KCNB2: variants seen among roughly 807,000 people sequenced by gnomAD.
KCNB2 encodes the protein potassium voltage-gated channel subfamily B member 2, also known as delayed rectifier potassium channel protein.
A neutral mutation model predicts 61.5 loss-of-function variants in KCNB2; 15 were observed. The ratio of observed to expected loss-of-function variants is 0.24; its 90% CI spans 0.16 to 0.38. The LOEUF (loss-of-function observed/expected upper bound fraction) is 0.38. Among genes scored for constraint, KCNB2 ranks in the 10% least tolerant of loss-of-function variants. The probability of loss-of-function intolerance (pLI) is 1.00; values close to 1 mark genes in which losing one functional copy is unlikely to be tolerated. For missense variants in KCNB2, 828 were observed against 1,125.2 expected, an observed-to-expected ratio of 0.74 and a Z score of 3.78; for synonymous variants, 457 against 446.0, an observed-to-expected ratio of 1.02 and a Z score of -0.31.
intron 2 of KCNB2, among the ~76,000 whole-genome samples, chr8:72,932,083 G>A (rs139314850): frequency 1.4e-4 from 21 of 152,262 alleles, no homozygotes; most frequent in Non-Finnish European, 2.9e-4. Context: ...GGTAAGTAAA[G>A]CAATACCTAA....
intron 2 of KCNB2, among the ~76,000 whole-genome samples, chr8:72,666,936 G>A (rs1235981661): frequency 6.6e-6 from 1 of 151,738 alleles, no homozygotes; most frequent in Non-Finnish European, 1.5e-5. Flanking sequence ...GAATAAAAAA[G>A]AACACAGGTT....
chr8:72,820,664 T>A (rs981305688), intron 2 of KCNB2, among the ~76,000 whole-genome samples: 1 of 152,224 alleles, frequency 6.6e-6, no homozygotes, highest in African/African-American at 2.4e-5. Context: ...CTTATGATTA[T>A]TTCTACCTCA....
chr8:72,915,795 T>C (rs915701609), intron 2 of KCNB2, among the ~76,000 whole-genome samples: 1 of 152,082 alleles, frequency 6.6e-6, no homozygotes, highest in Non-Finnish European at 1.5e-5. Flanking sequence ...GGTGGGTGCC[T>C]GTAGTCCCAG....
intron 2 of KCNB2, among the ~76,000 whole-genome samples, chr8:72,669,004 T>G (rs924529678): frequency 6.6e-6 from 1 of 152,170 alleles, no homozygotes; most frequent in African/African-American, 2.4e-5. Flanking sequence ...TAAATCTTTC[T>G]AATTTGGCAT....
intron 2 of KCNB2, among the ~76,000 whole-genome samples, chr8:72,662,318 T>C (rs1806394860): frequency 6.6e-6 from 1 of 152,144 alleles, no homozygotes; most frequent in Non-Finnish European, 1.5e-5. Flanking sequence ...TAGAGGGCAC[T>C]GGGGAGCATG....
At chr8:72,626,265 C>A (rs1413808447) in intron 2 of KCNB2, among the ~76,000 whole-genome samples, 4 of 152,316 alleles carry the variant, frequency 2.6e-5, no homozygotes, top group African/African-American at 9.6e-5. Flanking sequence ...ACAGTCCACC[C>A]TAGGCCCAGT....
chr8:72,921,238 G>C (rs1806514980), intron 2 of KCNB2, among the ~76,000 whole-genome samples: 1 of 151,914 alleles, frequency 6.6e-6, no homozygotes, highest in South Asian at 2.1e-4. Context: ...ACAAAACACT[G>C]TTTACCCTTT....
intron 2 of KCNB2, among the ~76,000 whole-genome samples, chr8:72,714,120 A>G (rs546476961): frequency 6.6e-6 from 1 of 152,222 alleles, no homozygotes; most frequent in South Asian, 2.1e-4. Flanking sequence ...AAAAAGAATG[A>G]AAAGGAACAA....
chr8:72,730,150 A>T (rs1370428001), intron 2 of KCNB2, among the ~76,000 whole-genome samples: 1 of 152,146 alleles, frequency 6.6e-6, no homozygotes, highest in Non-Finnish European at 1.5e-5. Context: ...CTTATGCTAT[A>T]CATTAGTAGC....
intron 2 of KCNB2, among the ~76,000 whole-genome samples, chr8:72,894,446 CA>C (rs1805954170): frequency 6.6e-6 from 1 of 152,140 alleles, no homozygotes; most frequent in African/African-American, 2.4e-5. Flanking sequence ...GGATGCGATT[CA>C]ATTTATATAT....
intron 2 of KCNB2, among the ~76,000 whole-genome samples, chr8:72,824,330 G>A (rs983374922): frequency 6.6e-6 from 1 of 151,982 alleles, no homozygotes; most frequent in Non-Finnish European, 1.5e-5. Context: ...AGCCCAGCAG[G>A]GGTTTGGAAG....
chr8:72,766,002 T>C (rs2128996805), intron 2 of KCNB2, among the ~76,000 whole-genome samples: 1 of 152,364 alleles, frequency 6.6e-6, no homozygotes, highest in African/African-American at 2.4e-5. Flanking sequence ...TTCTTAATGC[T>C]GCTTCTCAAA....
At chr8:72,694,717 CAATT>C in intron 2 of KCNB2, among the ~76,000 whole-genome samples, 1 of 152,024 alleles carries the variant, frequency 6.6e-6, no homozygotes, top group African/African-American at 2.4e-5. Context: ...GATCAAGCAA[CAATT>C]AATGGTAGTG....
intron 2 of KCNB2, among the ~76,000 whole-genome samples, chr8:72,654,287 A>G (rs1238885204): frequency 6.6e-6 from 1 of 152,212 alleles, no homozygotes; most frequent in African/African-American, 2.4e-5. Flanking sequence ...AACATTTTCT[A>G]TGAATAAGTG....
chr8:72,748,196 T>C (rs1808112994), intron 2 of KCNB2, among the ~76,000 whole-genome samples: 1 of 152,224 alleles, frequency 6.6e-6, no homozygotes, highest in African/African-American at 2.4e-5. Context: ...TGTTATAACT[T>C]CTTTGAACAT....
rs143419464 is a variant in KCNB2 at position 72,794,937 on chromosome 8, G to GA, written c.580-140989dup. ...GGGTCTAATAGAGAAGTAACCACTG[G>GA]AAAAAAAAAGTTGTGTCTCCATTTT... On this transcript the variant is annotated intron_variant, in intron 2 of 2. Coordinates refer to ENST00000523207, the MANE Select transcript of KCNB2 (RefSeq NM_004770.3). Among the ~76,000 whole-genome samples the GA allele has an allele frequency of 6.3e-3, 960 of 151,670 alleles. 5 individuals carry two copies. Among genetic ancestry groups the GA allele is most frequent in the African/African-American group, 0.022 (906 of 41,388 alleles).
chr8:72,788,798 CTAAT>C (rs1808887185), intron 2 of KCNB2, among the ~76,000 whole-genome samples: 1 of 152,066 alleles, frequency 6.6e-6, no homozygotes, highest in South Asian at 2.1e-4. Context: ...CACATTAAAT[CTAAT>C]TATAGATGAG....
intron 2 of KCNB2, among the ~76,000 whole-genome samples, chr8:72,626,916 G>A (rs1268812904): frequency 1.3e-5 from 2 of 152,142 alleles, no homozygotes; most frequent in Admixed American, 6.5e-5. Context: ...GCAAGATATC[G>A]ACATGCATCT....
At chr8:72,841,361 CTTTTTT>C (rs796222096) in intron 2 of KCNB2, among the ~76,000 whole-genome samples, 1,063 of 66,184 alleles carry the variant, frequency 0.016, 22 homozygotes, top group Middle Eastern at 0.042. Context: ...GTTTTCTTTT[CTTTTTT>C]TTTTCTTTTT....
Sources: allele counts gnomAD v4.1 joint callset (sites outside exome capture counted in the v4.1 genomes callset), GRCh38; gene constraint gnomAD v4.1.1; transcripts MANE v1.5; gene names NCBI Gene and HGNC (gene_info 2026-07-23, HGNC 2026-07-21).